NFASC: variants seen among roughly 807,000 people sequenced by gnomAD.
NFASC encodes the protein neurofascin, also known as neurofascin homolog.
Under a neutral mutation model 147.5 loss-of-function variants are expected in NFASC, and 43 were observed. That is an observed-to-expected ratio of 0.29 (90% confidence interval 0.23 to 0.38). The LOEUF is 0.38. Among genes scored for constraint, NFASC ranks in the 10% least tolerant of loss-of-function variants. The pLI is 1.00. For synonymous variants in NFASC, 622 were observed against 665.5 expected, an observed-to-expected ratio of 0.93 and a Z score of 1.01; for missense variants, 1,320 against 1,689.0, an observed-to-expected ratio of 0.78 and a Z score of 3.83.
At position 204,961,727 on chromosome 1, in the gene NFASC, CTG is replaced by C. The variant is rs1298152628; in HGVS notation, c.706+3902_706+3903del. ...CTAGCCTGACCCAGAGTCCTGGGAA[CTG>C]AGGATTTTGATAAGAAGGAGTTGTT... is the stretch of plus-strand genomic sequence containing the variant. On this transcript the variant is annotated intron_variant, in intron 8 of 29. Transcript: ENST00000339876. Among the ~76,000 whole-genome samples, 11 of 152,378 alleles carry C rather than the reference CTG, an allele frequency of 7.2e-5. No individual in the cohort carries two copies. The East Asian group carries it at 1.9e-3, about 27-fold the overall frequency.
chr1:204,838,553 G>C (rs983770440), intron 1 of NFASC, among the ~76,000 whole-genome samples: 9 of 152,198 alleles, frequency 5.9e-5, no homozygotes, highest in African/African-American at 1.9e-4. Context: ...CTTGGATTCT[G>C]TCTGGGGTCT....
chr1:205,021,289 A>C lies in NFASC; in HGVS notation c.*4750A>C, dbSNP rs1306633842. On this transcript the variant is annotated 3_prime_UTR_variant, in exon 30 of 30. Transcript: ENST00000339876. ...CTAATAATGGGCCTTCCTGAGACAC[A>C]TTCAGAGAAGGATCAGAGAGAAAGG... The C allele has an allele frequency of 6.6e-6, 1 of 152,598 alleles. No individual in the cohort carries two copies. The highest frequency in any genetic ancestry group is 1.5e-5 in the Non-Finnish European group (1 of 68,046). 9.5% of individuals were successfully genotyped at this position (152,598 alleles called of 1,614,324 possible).
intron 1 of NFASC, among the ~76,000 whole-genome samples, chr1:204,888,263 A>G (rs2081702651): frequency 6.6e-6 from 1 of 152,196 alleles, no homozygotes; most frequent in African/African-American, 2.4e-5. Flanking sequence ...TCTGGAACCA[A>G]TGGGTCAGCT....
chr1:204,978,947 C>T lies in NFASC; in HGVS notation c.1877-21C>T, dbSNP rs200968064. The T allele has an allele frequency of 5.9e-5, 91 of 1,538,382 alleles. No individual in the cohort carries two copies. In the Admixed American group the frequency reaches 1.1e-3, roughly 18 times the overall value. Reference sequence around the variant, plus strand: ...GACCTGCTCTAACTCAGGAGGCCTGCGTGGTGTCTTCTGCCACCAGGACGG... The same window carrying T: ...GACCTGCTCTAACTCAGGAGGCCTGTGTGGTGTCTTCTGCCACCAGGACGG... On this transcript the variant is annotated intron_variant, in intron 17 of 29. Coordinates refer to ENST00000339876, the MANE Select transcript of NFASC (RefSeq NM_001005388.3).
chr1:204,998,662 A>G (rs1242700504), intron 25 of NFASC: 2 of 152,184 alleles, frequency 1.3e-5, no homozygotes, highest in Non-Finnish European at 2.9e-5. Context: ...CTGCTGGGGT[A>G]TTAGAAGCTG....
chr1:204,832,173 T>G (rs1672404398), intron 1 of NFASC, among the ~76,000 whole-genome samples: 1 of 152,080 alleles, frequency 6.6e-6, no homozygotes, highest in Non-Finnish European at 1.5e-5. Flanking sequence ...TGAACCCGGC[T>G]AGATGTGGCT....
intron 7 of NFASC, among the ~76,000 whole-genome samples, chr1:204,956,897 T>C (rs573149176): frequency 6.6e-6 from 1 of 151,436 alleles, no homozygotes; most frequent in African/African-American, 2.4e-5. Context: ...TTACATCAGA[T>C]ATAGCACTTG....
intron 1 of NFASC, among the ~76,000 whole-genome samples, chr1:204,874,785 G>C (rs1392075215): frequency 3.9e-5 from 6 of 152,180 alleles, no homozygotes; most frequent in Admixed American, 3.9e-4. Context: ...GATAGAGTCA[G>C]CCCCACATTT....
chr1:204,865,785 A>G (rs1403947997), intron 1 of NFASC, among the ~76,000 whole-genome samples: 1 of 152,132 alleles, frequency 6.6e-6, no homozygotes, highest in Admixed American at 6.5e-5. Context: ...TATGAATTTG[A>G]GTATAATCAT....
At chr1:204,887,960 G>C (rs2081638813) in intron 1 of NFASC, among the ~76,000 whole-genome samples, 1 of 152,080 alleles carries the variant, frequency 6.6e-6, no homozygotes, top group Non-Finnish European at 1.5e-5. Flanking sequence ...TTAATAAATT[G>C]GTGGGTAAAC....
intron 2 of NFASC, among the ~76,000 whole-genome samples, chr1:204,925,820 G>A (rs1312098700): frequency 6.6e-6 from 1 of 152,210 alleles, no homozygotes; most frequent in South Asian, 2.1e-4. Flanking sequence ...GATGTGTCCA[G>A]ATGGTGGGTC....
intron 2 of NFASC, among the ~76,000 whole-genome samples, chr1:204,936,183 C>T (rs2625220): frequency 0.88 from 118,407 of 135,292 alleles, 51,707 homozygotes; most frequent in East Asian, 1. Context: ...TAACAGATTC[C>T]CTCTCTCTCT....
At chr1:204,860,778 C>T (rs2076592775) in intron 1 of NFASC, among the ~76,000 whole-genome samples, 1 of 152,136 alleles carries the variant, frequency 6.6e-6, no homozygotes, top group African/African-American at 2.4e-5. Flanking sequence ...AATCATTAAT[C>T]AGTTTTTTCT....
chr1:204,978,467 C>G (rs377263591), intron 17 of NFASC, among the ~76,000 whole-genome samples: 2 of 152,330 alleles, frequency 1.3e-5, no homozygotes, highest in Non-Finnish European at 1.5e-5. Flanking sequence ...GTTGCCCCCA[C>G]TCCCCTAACC....
intron 2 of NFASC, among the ~76,000 whole-genome samples, chr1:204,926,398 ATATATATATTTTTTTTTTTTTTTT>A (rs2091541727): frequency 1.1e-5 from 1 of 94,616 alleles, no homozygotes; most frequent in Admixed American, 1.1e-4. Flanking sequence ...ATATATATAT[ATATATATATTTTTTTTTTTTTTTT>A]TTTTTTTTTT....
At chr1:205,009,263 C>A (rs1333794372) in intron 27 of NFASC, 7 of 484,654 alleles carry the variant, frequency 1.4e-5, no homozygotes, top group East Asian at 4.5e-5. Context: ...CCAAGAATGC[C>A]GTGCTTCATC....
chr1:204,906,859 A>G (rs1017246533), intron 1 of NFASC, among the ~76,000 whole-genome samples: 19 of 151,880 alleles, frequency 1.3e-4, no homozygotes, highest in African/African-American at 3.9e-4. Flanking sequence ...AATTTTTTGT[A>G]TTTTTAGTAG....
Position 204,986,288 on chromosome 1 carries a change from G to A in NFASC, c.2471-1130G>A, listed in dbSNP as rs11240326. Among the ~76,000 whole-genome samples the A allele has an allele frequency of 0.26, 38,863 of 152,146 alleles. 5,651 individuals carry two copies. Among genetic ancestry groups the A allele is most frequent in the Middle Eastern group, 0.44 (129 of 294 alleles). On this transcript the variant is annotated intron_variant, in intron 21 of 29. Coordinates refer to ENST00000339876, the MANE Select transcript of NFASC (RefSeq NM_001005388.3). The surrounding 1 kb of genome is among the most constrained non-coding windows in gnomAD (Gnocchi z 4.2). ...CTACAGCCATTCCCAGACCACCATC[G>A]CCAAGGTGACCTGCCCTGCGAGGAG... is the stretch of plus-strand genomic sequence containing the variant.
intron 1 of NFASC, among the ~76,000 whole-genome samples, chr1:204,873,679 A>G (rs1368522897): frequency 6.6e-6 from 1 of 151,878 alleles, no homozygotes; most frequent in East Asian, 1.9e-4. Flanking sequence ...GGGGCCTTCC[A>G]TTCTGAGGCA....
Sources: gnomAD v4.1 joint callset for allele counts (sites outside exome capture counted in the v4.1 genomes callset) on GRCh38, gnomAD v4.1.1 for gene constraint, Gnocchi (gnomAD v3.1) non-coding constraint, MANE v1.5 for transcripts, NCBI Gene and HGNC (gene_info 2026-07-23, HGNC 2026-07-21) for gene names.